The following ROBO2 variants were observed in gnomAD, a reference collection of about 807,000 sequenced individuals.
The protein encoded by ROBO2 is roundabout guidance receptor 2.
In ROBO2, 53 loss-of-function variants were observed where a neutral mutation model predicts 160.8. The ratio of observed to expected loss-of-function variants is 0.33; its 90% CI spans 0.26 to 0.41. ROBO2 has a LOEUF of 0.41. ROBO2 is among the 10% of genes least tolerant of loss of function. ROBO2 has a pLI of 1.00. For synonymous variants in ROBO2, 664 were observed against 611.7 expected (o/e 1.09, Z -1.26); for missense variants, 1,577 against 1,722.4 (o/e 0.92, Z 1.49).
intron 2 of ROBO2, among the ~76,000 whole-genome samples, chr3:76,478,918 C>T (rs2079073580): frequency 6.6e-6 from 1 of 152,048 alleles, no homozygotes; most frequent in Non-Finnish European, 1.5e-5. Context: ...CTGCTTTGGC[C>T]TCCCAAAATC....
At chr3:76,592,086 A>G (rs1180602395) in intron 2 of ROBO2, among the ~76,000 whole-genome samples, 1 of 152,068 alleles carries the variant, frequency 6.6e-6, no homozygotes, top group East Asian at 1.9e-4. Flanking sequence ...AAACTAGATG[A>G]GAAAATTTCT....
At position 76,940,621 on chromosome 3, in the gene ROBO2, T is replaced by C. The variant is rs547619255; in HGVS notation, c.110-157393T>C. ...ATAGGCATCCATCGGCAGAGTTCCA[T>C]CATCTCTGATTTGAAAGAGGTTTGA... On this transcript the variant is annotated intron_variant, in intron 2 of 26. Coordinates refer to the ROBO2 transcript ENST00000487694. 2.0e-5 allele frequency among the ~76,000 whole-genome samples: 3 copies of C among 152,334 alleles called. No homozygotes were observed. The East Asian group carries it at 5.8e-4, about 29-fold the overall frequency.
At chr3:77,359,310 T>C (rs1277575220) in intron 2 of ROBO2, among the ~76,000 whole-genome samples, 1 of 152,144 alleles carries the variant, frequency 6.6e-6, no homozygotes, top group East Asian at 1.9e-4. Context: ...GGAACTATCA[T>C]AGACTGTGGC....
Position 77,186,920 on chromosome 3 carries a change from C to A in ROBO2, c.388+88580C>A, listed in dbSNP as rs1383740616. ...ACATGTTACGTAATGTAATATGAAC[C>A]ATGTCAATGTCAGCTGATTATAACT... is the stretch of plus-strand genomic sequence containing the variant. On this transcript the variant is annotated intron_variant, in intron 2 of 25. Coordinates refer to ENST00000461745, the Ensembl canonical transcript of ROBO2. Among the ~76,000 whole-genome samples the A allele has an allele frequency of 2.6e-5, 4 of 151,782 alleles. No homozygotes were observed. The Admixed American group carries it at 2.6e-4, about 10-fold the overall frequency.
chr3:77,335,517 T>C (rs1178179991), intron 2 of ROBO2, among the ~76,000 whole-genome samples: 2 of 152,226 alleles, frequency 1.3e-5, no homozygotes, highest in Admixed American at 1.3e-4. Flanking sequence ...CATGATAGTA[T>C]TTAGTTTGCC....
chr3:76,700,495 T>C (rs1376349855), intron 2 of ROBO2, among the ~76,000 whole-genome samples: 1 of 152,180 alleles, frequency 6.6e-6, no homozygotes, highest in Non-Finnish European at 1.5e-5. Flanking sequence ...TGTACTCATC[T>C]GTTTTTTCTT....
At chr3:75,979,278 C>A (rs1007953049) in intron 2 of ROBO2, among the ~76,000 whole-genome samples, 3 of 151,260 alleles carry the variant, frequency 2.0e-5, no homozygotes, top group African/African-American at 7.3e-5. Flanking sequence ...GATGAATGAG[C>A]CTTATATTTT....
At position 77,124,882 on chromosome 3, in the gene ROBO2, C is replaced by T. The variant is rs375357713; in HGVS notation, c.388+26542C>T. Among the ~76,000 whole-genome samples the T allele has an allele frequency of 7.1e-4, 108 of 151,900 alleles. 3 individuals are homozygous for T. In the South Asian group the frequency reaches 0.022, roughly 31 times the overall value. On this transcript the variant is annotated intron_variant, in intron 2 of 25. Coordinates refer to ENST00000461745, the Ensembl canonical transcript of ROBO2. Reference sequence around the variant, plus strand: ...TCTCTTCTTACTCTCTATCTTTATTCTCCCTTTCTTTCTTTTTTCCCCCTT... The same window carrying T: ...TCTCTTCTTACTCTCTATCTTTATTTTCCCTTTCTTTCTTTTTTCCCCCTT...
At chr3:77,082,868 T>C (rs1050101871) in intron 1 of ROBO2, among the ~76,000 whole-genome samples, 20 of 151,990 alleles carry the variant, frequency 1.3e-4, no homozygotes, top group African/African-American at 2.4e-5. Context: ...GAGGCCCCTA[T>C]TTAATAGGAG....
chr3:76,015,377 T>G (rs1239105115), intron 2 of ROBO2, among the ~76,000 whole-genome samples: 1 of 152,316 alleles, frequency 6.6e-6, no homozygotes, highest in South Asian at 2.1e-4. Flanking sequence ...ACACAGATAT[T>G]TGAAGCTGCA....
At chr3:77,302,078 C>CT (rs570370738) in intron 2 of ROBO2, among the ~76,000 whole-genome samples, 5 of 150,586 alleles carry the variant, frequency 3.3e-5, no homozygotes, top group East Asian at 2.0e-4. Flanking sequence ...AACTAAAGAA[C>CT]TTTTTTTTTC....
At chr3:76,817,211 A>G (rs1358894381) in intron 2 of ROBO2, among the ~76,000 whole-genome samples, 1 of 152,106 alleles carries the variant, frequency 6.6e-6, no homozygotes, top group African/African-American at 2.4e-5. Flanking sequence ...TTAAAGTGTA[A>G]TAAAAAATTA....
At chr3:77,589,019 G>T (rs1044632221) in intron 17 of ROBO2, 86 bp downstream of exon 18, 1 of 1,499,080 alleles carries the variant, frequency 6.7e-7, no homozygotes, top group South Asian at 1.1e-5. Flanking sequence ...AATAACAAAT[G>T]AGTGATTTGG....
chr3:77,633,318 T>A (rs1184807728), intron 23 of ROBO2: 1 of 152,172 alleles, frequency 6.6e-6, no homozygotes, highest in African/African-American at 2.4e-5. Flanking sequence ...TGATAAGTAA[T>A]CATATAAAAG....
intron 2 of ROBO2, among the ~76,000 whole-genome samples, chr3:77,159,191 G>C (rs2150594377): frequency 6.6e-6 from 1 of 152,198 alleles, no homozygotes; most frequent in African/African-American, 2.4e-5. Context: ...TCTCATTAGG[G>C]TCCTGTAATG....
At chr3:77,072,895 C>A (rs1448696444) in intron 1 of ROBO2, among the ~76,000 whole-genome samples, 1 of 151,906 alleles carries the variant, frequency 6.6e-6, no homozygotes, top group Non-Finnish European at 1.5e-5. Context: ...ATAAACATAC[C>A]AAAATAAAGT....
chr3:76,419,443 T>C (rs2075897910), intron 2 of ROBO2, among the ~76,000 whole-genome samples: 2 of 151,986 alleles, frequency 1.3e-5, no homozygotes, highest in South Asian at 4.2e-4. Flanking sequence ...CAAACATCTT[T>C]TTTTTTTTTA....
chr3:76,780,814 A>G (rs2062594544), intron 2 of ROBO2, among the ~76,000 whole-genome samples: 1 of 150,336 alleles, frequency 6.7e-6, no homozygotes, highest in Non-Finnish European at 1.5e-5. Context: ...TTTAATTACT[A>G]TAGCTTTGTA....
intron 2 of ROBO2, among the ~76,000 whole-genome samples, chr3:76,649,779 G>C (rs2091166443): frequency 6.6e-6 from 1 of 152,056 alleles, no homozygotes; most frequent in Non-Finnish European, 1.5e-5. Flanking sequence ...ATAGGTATCA[G>C]GGTTAGAAGT....
Sources: allele counts gnomAD v4.1 joint callset (sites outside exome capture counted in the v4.1 genomes callset), GRCh38; gene constraint gnomAD v4.1.1; transcripts MANE v1.5; gene names NCBI Gene and HGNC (gene_info 2026-07-23, HGNC 2026-07-21).